FMO1: variants seen among roughly 807,000 people sequenced by gnomAD.
FMO1 encodes the protein flavin containing dimethylaniline monoxygenase 1.
In FMO1, 36 loss-of-function variants were observed where a neutral mutation model predicts 45.4. The observed-to-expected ratio is 0.79, with a 90% confidence interval of 0.61 to 1.05. The LOEUF is 1.05. Among genes scored for constraint, FMO1 ranks in the 50% least tolerant of loss-of-function variants. FMO1 has a pLI of 0.00. For missense variants in FMO1, 615 were observed against 640.3 expected, an observed-to-expected ratio of 0.96 and a Z score of 0.43; for synonymous variants, 228 against 227.2, an observed-to-expected ratio of 1.00 and a Z score of -0.03.
intron 1 of FMO1, among the ~76,000 whole-genome samples, chr1:171,249,791 A>G (rs1347115821): frequency 6.6e-6 from 1 of 152,140 alleles, no homozygotes; most frequent in Non-Finnish European, 1.5e-5. Context: ...TACAAATCTG[A>G]CAGTGCCAAT....
chr1:171,278,862 G>T lies in FMO1; in HGVS notation c.618G>T (p.Leu206=), dbSNP rs535797940. Residue 206 remains leucine, a synonymous_variant, in exon 5 of 9, where the codon CTG becomes CTT. Coordinates refer to ENST00000617670, the MANE Select transcript of FMO1 (RefSeq NM_001282693.2). The part of the protein sequence containing the change: ...GTDIAVEASH[L]AEKVFLSTTG... ...ACATTGCTGTGGAGGCCAGCCACCT[G>T]GCGGAAAAGGTACATTCCTGATGTT... 1 of 1,610,848 alleles carries T rather than the reference G, an allele frequency of 6.2e-7. No individual in the cohort carries two copies. The highest frequency in any genetic ancestry group is 1.1e-5 in the South Asian group (1 of 90,632).
rs748807381 is a variant in FMO1 at position 171,275,416 on chromosome 1, A to T, written c.392A>T (p.His131Leu). The T allele has an allele frequency of 1.9e-6, 3 of 1,613,786 alleles. No homozygotes were observed. The highest frequency in any genetic ancestry group is 2.5e-6 in the Non-Finnish European group (3 of 1,179,674). ...VSGQWEVVTM[H>L]EEKQESAIFD... Reference sequence around the variant, plus strand: ...GGCCAATGGGAGGTGGTCACTATGCATGAAGAGAAGCAAGAGTCAGCCATC... The same window carrying T: ...GGCCAATGGGAGGTGGTCACTATGCTTGAAGAGAAGCAAGAGTCAGCCATC... The change falls in exon 4 of 9, where the codon CAT becomes CTT. Residue 131 changes from histidine (H) to leucine (L), a missense_variant. Physicochemically the swap from His to Leu is moderately conservative, Grantham distance 99 (BLOSUM62 -3). Coordinates refer to ENST00000617670, the MANE Select transcript of FMO1 (RefSeq NM_001282693.2).
intron 2 of FMO1, among the ~76,000 whole-genome samples, chr1:171,261,380 C>T (rs1170424790): frequency 6.6e-6 from 1 of 151,974 alleles, no homozygotes; most frequent in East Asian, 1.9e-4. Flanking sequence ...AGGTAGGTGG[C>T]CCATTTAAAA....
chr1:171,260,431 G>C lies in FMO1; in HGVS notation c.132+2212G>C, dbSNP rs532381029. On this transcript the variant is annotated intron_variant, in intron 2 of 8. Transcript: ENST00000617670. Reference sequence around the variant, plus strand: ...ATTGTAGGTACCAGTGGAAGGGTTAGCCCTGGCAAGGTGGGGAGACAAGAG... The same window carrying C: ...ATTGTAGGTACCAGTGGAAGGGTTACCCCTGGCAAGGTGGGGAGACAAGAG... 2.2e-4 allele frequency among the ~76,000 whole-genome samples: 34 copies of C among 152,222 alleles called. 1 individual carries two copies. In the South Asian group the frequency reaches 7.1e-3, roughly 32 times the overall value.
intron 1 of FMO1, among the ~76,000 whole-genome samples, chr1:171,251,226 C>T (rs965597269): frequency 1.3e-5 from 2 of 152,100 alleles, no homozygotes; most frequent in Non-Finnish European, 2.9e-5. Context: ...TTAATCTTAC[C>T]GAATAAATGT....
chr1:171,269,087 G>A (rs1041557043), intron 3 of FMO1, among the ~76,000 whole-genome samples: 28 of 152,218 alleles, frequency 1.8e-4, no homozygotes, highest in African/African-American at 6.0e-4. Flanking sequence ...ACAAGGAACT[G>A]TGAGTTCTCC....
chr1:171,268,308 C>G (rs28360384), intron 3 of FMO1, among the ~76,000 whole-genome samples: 1 of 152,134 alleles, frequency 6.6e-6, no homozygotes, highest in African/African-American at 2.4e-5. Flanking sequence ...CAGTCTCAAA[C>G]ACCTGGGCTC....
At chr1:171,253,365 C>A (rs886784383) in intron 1 of FMO1, among the ~76,000 whole-genome samples, 5 of 152,150 alleles carry the variant, frequency 3.3e-5, no homozygotes, top group African/African-American at 7.2e-5. Context: ...TCTACCTGCA[C>A]CACGAAAAGC....
At chr1:171,267,813 T>G (rs1438605283) in intron 3 of FMO1, 82 bp downstream of exon 3, 1 of 1,041,028 alleles carries the variant, frequency 9.6e-7, no homozygotes, top group Non-Finnish European at 1.4e-6. Flanking sequence ...CCCTGGGCTC[T>G]GTAGATGAGA....
intron 3 of FMO1, among the ~76,000 whole-genome samples, chr1:171,269,453 T>TA (rs973925871): frequency 9.2e-5 from 14 of 152,090 alleles, no homozygotes; most frequent in East Asian, 7.7e-4. Context: ...TTTTTTGTTT[T>TA]AAAAAAAACC....
chr1:171,257,209 G>A (rs1660196071), intron 1 of FMO1, among the ~76,000 whole-genome samples: 1 of 152,002 alleles, frequency 6.6e-6, no homozygotes, highest in Non-Finnish European at 1.5e-5. Flanking sequence ...GTAACTGATA[G>A]AGCCGCGCTT....
chr1:171,285,188 T>G lies in FMO1; in HGVS notation c.1257-14T>G. On this transcript the variant is annotated splice_polypyrimidine_tract_variant and intron_variant, in intron 8 of 8. Transcript: ENST00000617670. ...TTTGTCTTCACCTTTTCCCCCAATC[T>G]TCCTTTTATAAAGGTTTGGCTTGTG... 1 of 1,518,482 alleles carries G rather than the reference T, an allele frequency of 6.6e-7. No individual in the cohort carries two copies. Among genetic ancestry groups the G allele is most frequent in the Non-Finnish European group, 8.9e-7 (1 of 1,125,984 alleles). 94.1% of individuals were successfully genotyped at this position (1,518,482 alleles called of 1,614,324 possible).
intron 3 of FMO1, among the ~76,000 whole-genome samples, chr1:171,270,293 G>A (rs1235301261): frequency 6.6e-6 from 1 of 152,138 alleles, no homozygotes; most frequent in African/African-American, 2.4e-5. Flanking sequence ...TCAAGATTTT[G>A]GATGTTCAGT....
intron 1 of FMO1, among the ~76,000 whole-genome samples, chr1:171,251,015 T>C (rs1158656380): frequency 1.3e-5 from 2 of 152,200 alleles, no homozygotes; most frequent in Non-Finnish European, 2.9e-5. Flanking sequence ...TAGATATGGT[T>C]GAAGGCAACC....
At position 171,285,365 on chromosome 1, in the gene FMO1, C is replaced by A; in HGVS notation, c.1420C>A (p.Arg474Ser). ...TGGCCCATGCTCACCATACCAGTTC[C>A]GCTTGACTGGCCCAGGAAAATGGGA... ...FFGPCSPYQF[R>S]LTGPGKWEGA... The change falls in exon 9 of 9, where the codon CGC becomes AGC. Residue 474 changes from arginine to serine, a missense_variant. Coordinates refer to ENST00000617670, the MANE Select transcript of FMO1 (RefSeq NM_001282693.2). 6.2e-7 allele frequency: 1 copy of A among 1,613,956 alleles called. No homozygotes were observed. The highest frequency in any genetic ancestry group is 8.5e-7 in the Non-Finnish European group (1 of 1,179,934).
At position 171,281,550 on chromosome 1, in the gene FMO1, C is replaced by A. The variant is rs145079410; in HGVS notation, c.828-428C>A. Among the ~76,000 whole-genome samples the A allele has an allele frequency of 4.4e-3, 676 of 152,268 alleles. 2 individuals carry two copies. Among genetic ancestry groups the A allele is most frequent in the Non-Finnish European group, 7.3e-3 (499 of 68,014 alleles). ...AAGGTATAGCCAGAAAAAGACAATT[C>A]TGCCCTTGTTCCTTTAAATACATGC... On this transcript the variant is annotated intron_variant, in intron 6 of 8. Coordinates refer to ENST00000617670, the MANE Select transcript of FMO1 (RefSeq NM_001282693.2).
chr1:171,280,483 A>C (rs1449413312), intron 5 of FMO1, among the ~76,000 whole-genome samples: 5 of 152,162 alleles, frequency 3.3e-5, no homozygotes, highest in African/African-American at 4.8e-5. Flanking sequence ...AGTAGCAATC[A>C]CCTGTTCATT....
chr1:171,267,854 C>T, intron 3 of FMO1, 123 bp downstream of exon 3: 3 of 667,368 alleles, frequency 4.5e-6, no homozygotes, highest in Non-Finnish European at 7.5e-6. Context: ...TGACACCTGG[C>T]TGTATTTATT....
intron 4 of FMO1, among the ~76,000 whole-genome samples, chr1:171,278,445 A>G (rs545525221): frequency 6.6e-6 from 1 of 152,200 alleles, no homozygotes; most frequent in South Asian, 2.1e-4. Flanking sequence ...GACTCCTTAT[A>G]CTTTTGCTTA....
Sources: gnomAD v4.1 joint callset for allele counts (sites outside exome capture counted in the v4.1 genomes callset) on GRCh38, gnomAD v4.1.1 for gene constraint, MANE v1.5 for transcripts, NCBI Gene and HGNC (gene_info 2026-07-23, HGNC 2026-07-21) for gene names.